The following GNB1L variants were observed in gnomAD, a reference collection of about 807,000 sequenced individuals.
GNB1L encodes the protein guanine nucleotide-binding protein subunit beta-like protein 1.
Under a neutral mutation model 29.1 loss-of-function variants are expected in GNB1L, and 20 were observed. That is an observed-to-expected ratio of 0.69 (90% CI 0.48 to 1.00). The LOEUF (loss-of-function observed/expected upper bound fraction) is 1.00. Ranked by LOEUF, GNB1L falls within the 50% of genes least tolerant of loss-of-function variation. GNB1L has a pLI of 0.00. For synonymous variants in GNB1L, 193 were observed against 206.5 expected (o/e 0.93, Z 0.56); for missense variants, 421 against 464.9 (o/e 0.91, Z 0.87).
intron 2 of GNB1L, among the ~76,000 whole-genome samples, chr22:19,853,868 C>T (rs1055004064): frequency 2.0e-5 from 3 of 152,198 alleles, no homozygotes; most frequent in Non-Finnish European, 4.4e-5. Flanking sequence ...GGGCCCAGCT[C>T]CCACCACCAG....
intron 2 of GNB1L, among the ~76,000 whole-genome samples, chr22:19,843,030 C>T (rs1470321377): frequency 6.6e-6 from 1 of 152,256 alleles, no homozygotes; most frequent in Non-Finnish European, 1.5e-5. Context: ...TAGCTCCTTT[C>T]CAAATCCCGT....
At chr22:19,842,182 G>C (rs1465694566) in intron 2 of GNB1L, among the ~76,000 whole-genome samples, 1 of 152,208 alleles carries the variant, frequency 6.6e-6, no homozygotes, top group Non-Finnish European at 1.5e-5. Context: ...AGAACTGTCC[G>C]CTGCATTGCA....
intron 7 of GNB1L, among the ~76,000 whole-genome samples, chr22:19,790,844 T>A (rs1937245674): frequency 6.6e-6 from 1 of 152,184 alleles, no homozygotes; most frequent in Non-Finnish European, 1.5e-5. Flanking sequence ...AAAGATATAC[T>A]GGGAAAATGC....
At position 19,824,362 on chromosome 22, in the gene GNB1L, C is replaced by T. The variant is rs1335038706; in HGVS notation, c.-20-2987G>A. Among the ~76,000 whole-genome samples, 8 of 152,344 alleles carry T rather than the reference C, an allele frequency of 5.3e-5. No individual in the cohort carries two copies. The East Asian group carries it at 1.2e-3, about 22-fold the overall frequency. ...GCCGCCCTTGCGCAAGGCCCGTGTGCGCCCAGCTGTCCTTGCGGTGGCCCC... is the reference window on the plus strand; with the variant it reads ...GCCGCCCTTGCGCAAGGCCCGTGTGTGCCCAGCTGTCCTTGCGGTGGCCCC... On this transcript the variant is annotated intron_variant, in intron 2 of 7. Transcript: ENST00000329517.
At chr22:19,851,473 G>A (rs1224689254) in intron 2 of GNB1L, 1 of 1,614,128 alleles carries the variant, frequency 6.2e-7, no homozygotes, top group Admixed American at 1.7e-5. Flanking sequence ...GCCCAGGGGT[G>A]CTCTCCTTGG....
At chr22:19,818,911 A>G (rs1937556455) in intron 4 of GNB1L, among the ~76,000 whole-genome samples, 1 of 152,154 alleles carries the variant, frequency 6.6e-6, no homozygotes, top group Non-Finnish European at 1.5e-5. Context: ...AGCCCCCTGC[A>G]GGCCTTCCCT....
intron 5 of GNB1L, among the ~76,000 whole-genome samples, chr22:19,810,766 CCA>C (rs1049689860): frequency 2.0e-5 from 3 of 152,240 alleles, no homozygotes; most frequent in Non-Finnish European, 4.4e-5. Context: ...TTTCTCCCGC[CCA>C]GTCTGACAGA....
chr22:19,834,205 T>A (rs1223410309), intron 2 of GNB1L, among the ~76,000 whole-genome samples: 1 of 152,060 alleles, frequency 6.6e-6, no homozygotes, highest in Non-Finnish European at 1.5e-5. Flanking sequence ...TATTGAAACA[T>A]CATAAACTGC....
In GNB1L at chr22:19,801,734, T is replaced by C. The variant is rs572909072; in HGVS notation, c.732+267A>G. 2.7e-3 allele frequency among the ~76,000 whole-genome samples: 415 copies of C among 151,508 alleles called. 4 individuals are homozygous for C. Among genetic ancestry groups the C allele is most frequent in the African/African-American group, 8.9e-3 (366 of 41,310 alleles). On this transcript the variant is annotated intron_variant, in intron 7 of 7. Transcript: ENST00000329517. ...TTTCACAAAGGGGTTTGAGTATTCC[T>C]GGACTCTGCGTGCCTTTCTCTAGAT...
At chr22:19,847,891 A>G in intron 2 of GNB1L, 1 of 978,944 alleles carries the variant, frequency 1.0e-6, no homozygotes, top group Non-Finnish European at 1.2e-6. Context: ...TGGAATATGT[A>G]CTGGCATAAA....
chr22:19,820,874 T>G (rs1186719609), intron 3 of GNB1L, 151 bp from the exon 4 acceptor site: 1 of 923,532 alleles, frequency 1.1e-6, no homozygotes, highest in Non-Finnish European at 1.6e-6. Flanking sequence ...AGGGCCAAAC[T>G]GGCAAAGCAC....
intron 7 of GNB1L, among the ~76,000 whole-genome samples, chr22:19,793,636 A>G (rs529314800): frequency 6.6e-6 from 1 of 152,364 alleles, no homozygotes; most frequent in African/African-American, 2.4e-5. Flanking sequence ...CAAACTACTG[A>G]AAACCACAGA....
At chr22:19,823,456 G>C (rs1313753226) in intron 2 of GNB1L, among the ~76,000 whole-genome samples, 1 of 152,228 alleles carries the variant, frequency 6.6e-6, no homozygotes, top group Non-Finnish European at 1.5e-5. Context: ...GCCACTGCCT[G>C]TTTGTGCTAT....
At chr22:19,831,278 A>G (rs909688278) in intron 2 of GNB1L, among the ~76,000 whole-genome samples, 1 of 151,358 alleles carries the variant, frequency 6.6e-6, no homozygotes, top group Non-Finnish European at 1.5e-5. Context: ...GGCAGGAGAA[A>G]TGCTTTAACC....
chr22:19,851,810 T>A, intron 2 of GNB1L: 1 of 1,614,032 alleles, frequency 6.2e-7, no homozygotes. Context: ...TGCCCAGGCC[T>A]GGGCTCGGCC....
chr22:19,793,573 T>G (rs965308785), intron 7 of GNB1L, among the ~76,000 whole-genome samples: 11 of 151,984 alleles, frequency 7.2e-5, no homozygotes, highest in African/African-American at 2.7e-4. Context: ...GATGAAAAGC[T>G]CAGCAGAACC....
At chr22:19,789,821 A>G (rs1937232898) in intron 7 of GNB1L, among the ~76,000 whole-genome samples, 1 of 144,438 alleles carries the variant, frequency 6.9e-6, no homozygotes, top group African/African-American at 2.6e-5. Flanking sequence ...TGGGCGACAG[A>G]GTGAGACCCT....
At chr22:19,806,782 T>C in intron 5 of GNB1L, 25 bp from the exon 6 acceptor site, 1 of 1,535,518 alleles carries the variant, frequency 6.5e-7, no homozygotes, top group Non-Finnish European at 9.0e-7. Context: ...ACAAGTTGAT[T>C]TGGGCCGTCG....
intron 2 of GNB1L, chr22:19,849,838 G>C: frequency 9.1e-6 from 9 of 985,412 alleles, no homozygotes; most frequent in Non-Finnish European, 1.1e-5. Flanking sequence ...CCAAGCACCA[G>C]AGTGGGCACA....
Sources: allele counts gnomAD v4.1 joint callset (sites outside exome capture counted in the v4.1 genomes callset), GRCh38; gene constraint gnomAD v4.1.1; transcripts MANE v1.5; gene names NCBI Gene and HGNC (gene_info 2026-07-23, HGNC 2026-07-21).